Variants in HAUS6 observed in about 807,000 individuals in gnomAD.
HAUS6 encodes HAUS augmin like complex subunit 6.
A neutral mutation model predicts 106.8 loss-of-function variants in HAUS6; 80 were observed. The ratio of observed to expected loss-of-function variants is 0.75; its 90% CI spans 0.63 to 0.90. HAUS6 has a LOEUF of 0.90. HAUS6 is among the 40% of genes least tolerant of loss of function. The probability of loss-of-function intolerance (pLI) is 0.00; values close to 1 mark genes in which losing one functional copy is unlikely to be tolerated. For synonymous variants in HAUS6, 356 were observed against 379.1 expected (o/e 0.94, Z 0.71); for missense variants, 1,155 against 1,118.1 (o/e 1.03, Z -0.47).
intron 12 of HAUS6, among the ~76,000 whole-genome samples, chr9:19,066,830 CAAAA>C (rs71333078): frequency 2.4e-5 from 2 of 82,100 alleles, no homozygotes; most frequent in Non-Finnish European, 4.9e-5. Flanking sequence ...CTCATCTCTA[CAAAA>C]AAAAAAAAAA....
chr9:19,061,145 C>A (rs887469144), intron 14 of HAUS6, among the ~76,000 whole-genome samples: 3 of 152,092 alleles, frequency 2.0e-5, no homozygotes, highest in African/African-American at 7.2e-5. Flanking sequence ...GCCTGGGCAA[C>A]AAGTGCAAAA....
At chr9:19,059,730 GACTGGC>G (rs1239809681) in intron 15 of HAUS6, among the ~76,000 whole-genome samples, 1 of 152,202 alleles carries the variant, frequency 6.6e-6, no homozygotes, top group Admixed American at 6.5e-5. Flanking sequence ...TCTGGTTGAT[GACTGGC>G]AGAACACAGC....
intron 11 of HAUS6, among the ~76,000 whole-genome samples, chr9:19,071,568 A>ATT (rs1421720326): frequency 1.7e-5 from 2 of 118,476 alleles, no homozygotes; most frequent in African/African-American, 6.5e-5. Flanking sequence ...AAAGAAAAAT[A>ATT]TTTTCTTTTT....
chr9:19,074,859 G>C (rs927667381), intron 11 of HAUS6, among the ~76,000 whole-genome samples: 1 of 152,130 alleles, frequency 6.6e-6, no homozygotes, highest in East Asian at 1.9e-4. Context: ...GTACACATGT[G>C]CTAATTAACA....
intron 6 of HAUS6, 33 bp from the exon 7 acceptor site, chr9:19,086,815 T>C: frequency 2.3e-6 from 2 of 876,494 alleles, no homozygotes; most frequent in Non-Finnish European, 3.7e-6. Flanking sequence ...ATTAGTCATA[T>C]TAAAAATCAC....
intron 2 of HAUS6, among the ~76,000 whole-genome samples, chr9:19,095,210 G>A (rs72696482): frequency 3.3e-5 from 5 of 151,786 alleles, no homozygotes; most frequent in Non-Finnish European, 7.4e-5. Flanking sequence ...AAAAAGAGAA[G>A]TTTTGCTTCA....
At chr9:19,095,103 G>C (rs1207087714) in intron 2 of HAUS6, among the ~76,000 whole-genome samples, 2 of 150,776 alleles carry the variant, frequency 1.3e-5, no homozygotes, top group East Asian at 3.9e-4. Context: ...ATATGAAGAA[G>C]AGAAAAAATG....
chr9:19,084,051 C>CAAAA (rs35034404), intron 7 of HAUS6, among the ~76,000 whole-genome samples: 4 of 100,436 alleles, frequency 4.0e-5, no homozygotes, highest in Non-Finnish European at 6.3e-5. Flanking sequence ...AGGATCCTTG[C>CAAAA]AAAAAAAAAA....
rs1836406955 is a variant in HAUS6, at chr9:19,053,648, GTA to G, written c.*2693_*2694del. The G allele has an allele frequency of 6.6e-6, 1 of 152,122 alleles. No individual in the cohort carries two copies. The highest frequency in any genetic ancestry group is 2.4e-5 in the African/African-American group (1 of 41,422). The allele number at this position is 152,122 out of a possible 1,614,324, so 9.4% of individuals were successfully genotyped here. ...GCATTATCTCAGGTTTCAAGCTGAT[GTA>G]TGTCAGTTTATATACCTTTGTATCT... On this transcript the variant is annotated 3_prime_UTR_variant, in exon 17 of 17. Coordinates refer to ENST00000380502, the MANE Select transcript of HAUS6 (RefSeq NM_017645.5).
At chr9:19,101,485 C>A (rs1206298705) in intron 1 of HAUS6, among the ~76,000 whole-genome samples, 1 of 151,176 alleles carries the variant, frequency 6.6e-6, no homozygotes, top group African/African-American at 2.4e-5. Flanking sequence ...AGTGGGAGAC[C>A]CTGTCTCAAA....
intron 16 of HAUS6, 173 bp from the exon 17 acceptor site, chr9:19,056,577 A>T: frequency 1.8e-6 from 1 of 545,562 alleles, no homozygotes; most frequent in Non-Finnish European, 3.3e-6. Flanking sequence ...TCCAGAGATC[A>T]ATACATTCCT....
chr9:19,073,651 A>C (rs533766843), intron 11 of HAUS6, among the ~76,000 whole-genome samples: 3 of 151,996 alleles, frequency 2.0e-5, no homozygotes, highest in East Asian at 3.9e-4. Context: ...CCAAAAAAAA[A>C]AAAAAGAGAG....
rs754844105 is a variant in HAUS6 at position 19,058,783 on chromosome 9, A to T, written c.1984T>A (p.Cys662Ser). ...ACATGTTTCTGAGGCACACACTCGC[A>T]ATCTGAAATAACTTTCTCTTCAGTC... ...HLTEEKVISD[C>S]ECVPQKHVLT... Residue 662 changes from cysteine to serine, a missense_variant, in exon 16 of 17, where the codon TGC (cysteine) becomes AGC (serine). Physicochemically the swap from Cys to Ser is moderately radical, Grantham distance 112. This residue lies in a region of HAUS6 where 380 missense variants were observed against 394.8 expected (regional missense o/e 0.96). Transcript: ENST00000380502. 5 of 1,614,096 alleles carry T rather than the reference A, an allele frequency of 3.1e-6. No individual in the cohort carries two copies. In the African/African-American group the frequency reaches 6.7e-5, roughly 22 times the overall value.
intron 11 of HAUS6, among the ~76,000 whole-genome samples, chr9:19,075,973 A>G (rs1836992386): frequency 6.6e-6 from 1 of 150,798 alleles, no homozygotes; most frequent in Non-Finnish European, 1.5e-5. Context: ...AAAAAAAAAA[A>G]AAAAAACACA....
chr9:19,067,325 C>T (rs1232567028), intron 12 of HAUS6, among the ~76,000 whole-genome samples: 2 of 152,152 alleles, frequency 1.3e-5, no homozygotes, highest in Admixed American at 6.5e-5. Context: ...ACTACATATA[C>T]CTTTAACAGT....
At chr9:19,085,760 A>T (rs1398860721) in intron 7 of HAUS6, among the ~76,000 whole-genome samples, 1 of 152,126 alleles carries the variant, frequency 6.6e-6, no homozygotes, top group Non-Finnish European at 1.5e-5. Context: ...TTTCATACTT[A>T]ACATCTCCCT....
At chr9:19,080,231 A>G (rs1265143459) in intron 9 of HAUS6, among the ~76,000 whole-genome samples, 3 of 152,102 alleles carry the variant, frequency 2.0e-5, no homozygotes, top group East Asian at 3.9e-4. Flanking sequence ...AGACCCAACA[A>G]AAGAAAACTA....
rs1167873173 is a variant in HAUS6, at chr9:19,058,404, C to T, written c.2363G>A (p.Ser788Asn). Residue 788 changes from serine (S) to asparagine (N), a missense_variant, in exon 16 of 17, where the codon AGT (serine) becomes AAT (asparagine). Ser to Asn is a conservative substitution (Grantham distance 46). This residue lies in a region of HAUS6 where 380 missense variants were observed against 394.8 expected (regional missense o/e 0.96). Coordinates refer to ENST00000380502, the MANE Select transcript of HAUS6 (RefSeq NM_017645.5). The stretch of plus-strand genomic sequence containing the variant: ...CTCTGAACTACTGGAACTATTAAAA[C>T]TTAGATGACCAACTTCTTCCGGGAG... ...ETLPEEVGHL[S>N]FNSSSSSEAN... 32 of 1,613,590 alleles carry T rather than the reference C, an allele frequency of 2.0e-5. No individual in the cohort carries two copies. The highest frequency in any genetic ancestry group is 2.4e-5 in the Non-Finnish European group (28 of 1,179,736).
In HAUS6 at chr9:19,058,292, T is replaced by G; in HGVS notation, c.2475A>C (p.Glu825Asp). 1 of 1,613,576 alleles carries G rather than the reference T, an allele frequency of 6.2e-7. No individual in the cohort carries two copies. Among genetic ancestry groups the G allele is most frequent in the Non-Finnish European group, 8.5e-7 (1 of 1,179,508 alleles). Residue 825 changes from glutamate to aspartate, a missense_variant, in exon 16 of 17, where the codon GAA (glutamate) becomes GAC (aspartate). Physicochemically the swap from Glu to Asp is conservative, Grantham distance 45 (BLOSUM62 2). Transcript: ENST00000380502. ...DVVGGRQTTP[E>D]SDFNLQALRS... is the part of the protein sequence containing the mutation. ...GAAGAGCCTGTAAATTAAAGTCTGA[T>G]TCTGGAGTAGTCTGTCTCCCTCCCA... is the stretch of plus-strand genomic sequence containing the variant.
Sources: allele counts gnomAD v4.1 joint callset (sites outside exome capture counted in the v4.1 genomes callset), GRCh38; gene constraint gnomAD v4.1.1; regional missense constraint gnomAD v4.1.1; transcripts MANE v1.5; gene names NCBI Gene and HGNC (gene_info 2026-07-23, HGNC 2026-07-21).